Variants in CPLANE1 observed in about 807,000 individuals in gnomAD.
CPLANE1 encodes ciliogenesis and planar polarity effector complex subunit 1.
A neutral mutation model predicts 362.5 loss-of-function variants in CPLANE1; 263 were observed. The ratio of observed to expected loss-of-function variants is 0.73; its 90% CI spans 0.66 to 0.80. The LOEUF is 0.80. Among genes scored for constraint, CPLANE1 ranks in the 30% least tolerant of loss-of-function variants. CPLANE1 has a pLI of 0.00. For synonymous variants in CPLANE1, 1,212 were observed against 1,302.6 expected, an observed-to-expected ratio of 0.93 and a Z score of 1.50; for missense variants, 3,461 against 3,793.4, an observed-to-expected ratio of 0.91 and a Z score of 2.30.
At chr5:37,126,570 T>G (rs1579942424) in intron 46 of CPLANE1, among the ~76,000 whole-genome samples, 1 of 152,224 alleles carries the variant, frequency 6.6e-6, no homozygotes, top group Admixed American at 6.5e-5. Context: ...TTCCCTGCAT[T>G]CCGCCATCCT....
At chr5:37,098,281 A>C in the CPLANE1 span, among the ~76,000 whole-genome samples, 1 of 150,768 alleles carries the variant, frequency 6.6e-6, no homozygotes, top group African/African-American at 2.4e-5. Flanking sequence ...AATCCCAGCT[A>C]CTTGGGAGGC....
chr5:37,083,528 A>C, the CPLANE1 span, among the ~76,000 whole-genome samples: 1 of 152,226 alleles, frequency 6.6e-6, no homozygotes, highest in Admixed American at 6.5e-5. Context: ...AAACCAAAAA[A>C]ATGATACAAG....
At chr5:37,079,198 G>A in the CPLANE1 span, among the ~76,000 whole-genome samples, 1 of 152,082 alleles carries the variant, frequency 6.6e-6, no homozygotes, top group Non-Finnish European at 1.5e-5. Context: ...TTACATTTAA[G>A]TCTTTAATCC....
chr5:37,245,574 G>T lies in CPLANE1; in HGVS notation c.242C>A (p.Thr81Asn), dbSNP rs1235427864. ...SNDAWLAGVL[T>N]TGELFLWNKD... The stretch of plus-strand genomic sequence containing the variant: ...GTTCCAAAGGAAAAGCTCTCCTGTA[G>T]TTAGTACCCCAGCCAGCCAGGCATC... The change falls in exon 4 of 53, where the codon ACT becomes AAT. Residue 81 changes from threonine (T) to asparagine (N), a missense_variant. Transcript: ENST00000651892. 4.6e-6 allele frequency: 7 copies of T among 1,522,534 alleles called. No homozygotes were observed. The highest frequency in any genetic ancestry group is 6.2e-6 in the Non-Finnish European group (7 of 1,134,896). 94.3% of individuals were successfully genotyped at this position (1,522,534 alleles called of 1,614,324 possible).
intron 46 of CPLANE1, among the ~76,000 whole-genome samples, chr5:37,136,591 C>T (rs1381108792): frequency 6.6e-6 from 1 of 152,212 alleles, no homozygotes; most frequent in Non-Finnish European, 1.5e-5. Context: ...GGGGCTCCAA[C>T]CCCACATTTC....
the CPLANE1 span, among the ~76,000 whole-genome samples, chr5:37,079,615 GGT>G: frequency 8.5e-4 from 130 of 152,172 alleles, no homozygotes; most frequent in Admixed American, 2.7e-3. Context: ...TTTCCTCTAA[GGT>G]GTTCCCTAGA....
Position 37,247,740 on chromosome 5 carries a change from A to T in CPLANE1, c.-42T>A. ...ATGACCAATTAAGTAAAACAGTCCC[A>T]AGATTCTGTAAACAATAATAGTAAT... On this transcript the variant is annotated 5_prime_UTR_variant, in exon 2 of 53. Transcript: ENST00000651892. The T allele has an allele frequency of 1.3e-6, 2 of 1,504,946 alleles. No individual in the cohort carries two copies. The highest frequency in any genetic ancestry group is 1.8e-6 in the Non-Finnish European group (2 of 1,119,548). The allele number at this position is 1,504,946 out of a possible 1,614,324, so 93.2% of individuals were successfully genotyped here.
Position 37,243,122 on chromosome 5 carries a change from GTAGA to G in CPLANE1, c.571-7_571-4del. The stretch of plus-strand genomic sequence containing the variant: ...CACAGGCAGCAGTCTCCAAATAACT[GTAGA>G]TAAATTTAATATACTTTAGTATAAA... On this transcript the variant is annotated splice_region_variant and splice_polypyrimidine_tract_variant and intron_variant, in intron 5 of 52. Transcript: ENST00000651892. 2 of 1,486,532 alleles carry G rather than the reference GTAGA, an allele frequency of 1.3e-6. No individual in the cohort carries two copies. The highest frequency in any genetic ancestry group is 1.8e-6 in the Non-Finnish European group (2 of 1,104,346). The allele number at this position is 1,486,532 out of a possible 1,614,324, so 92.1% of individuals were successfully genotyped here.
At chr5:37,231,679 C>T (rs1429137417) in intron 8 of CPLANE1, among the ~76,000 whole-genome samples, 1 of 152,184 alleles carries the variant, frequency 6.6e-6, no homozygotes, top group Admixed American at 6.5e-5. Context: ...TCTGTCCTCT[C>T]TGCAGGCTGT....
chr5:37,171,405 G>A (rs1228848886), intron 32 of CPLANE1, among the ~76,000 whole-genome samples: 2 of 152,200 alleles, frequency 1.3e-5, no homozygotes, highest in African/African-American at 2.4e-5. Context: ...CTAGGATAGG[G>A]ATCTGAGAAT....
At chr5:37,187,328 C>T (rs2151220271) in intron 23 of CPLANE1, 86 bp downstream of exon 23, 1 of 1,120,408 alleles carries the variant, frequency 8.9e-7, no homozygotes, top group Non-Finnish European at 1.3e-6. Context: ...CAAAGAAAGG[C>T]AACATCATCC....
At chr5:37,144,477 G>A in intron 43 of CPLANE1, among the ~76,000 whole-genome samples, 1 of 151,178 alleles carries the variant, frequency 6.6e-6, no homozygotes, top group East Asian at 1.9e-4. Flanking sequence ...AAATACCAGA[G>A]AGCATCTCAG....
intron 44 of CPLANE1, chr5:37,139,793 A>G (rs1397013008): frequency 1.1e-6 from 1 of 923,262 alleles, no homozygotes; most frequent in Non-Finnish European, 1.3e-6. Context: ...CAAGTGATTC[A>G]CCTGCCTTGG....
intron 32 of CPLANE1, among the ~76,000 whole-genome samples, chr5:37,172,973 G>C (rs1780217217): frequency 1.3e-5 from 2 of 152,196 alleles, no homozygotes; most frequent in South Asian, 4.1e-4. Flanking sequence ...AACAGAGTGA[G>C]ACTCCGTCTC....
At chr5:37,084,722 G>A in the CPLANE1 span, among the ~76,000 whole-genome samples, 1 of 152,056 alleles carries the variant, frequency 6.6e-6, no homozygotes, top group Non-Finnish European at 1.5e-5. Flanking sequence ...AGAGAGCTGA[G>A]ATCATGCCAT....
the CPLANE1 span, chr5:37,085,993 G>C: frequency 1.7e-6 from 1 of 587,450 alleles, no homozygotes; most frequent in Middle Eastern, 4.5e-4. Context: ...TTGTCCAACA[G>C]GAAAATATCA....
chr5:37,084,074 C>A, the CPLANE1 span, among the ~76,000 whole-genome samples: 4 of 152,312 alleles, frequency 2.6e-5, no homozygotes, highest in South Asian at 8.3e-4. Context: ...AGATTAACAG[C>A]AGATTTCTCA....
At chr5:37,135,852 C>A (rs1022099076) in intron 46 of CPLANE1, among the ~76,000 whole-genome samples, 2 of 151,426 alleles carry the variant, frequency 1.3e-5, no homozygotes, top group African/African-American at 4.8e-5. Flanking sequence ...CAACAAAAAA[C>A]CCAACAGATC....
At chr5:37,086,300 G>C in the CPLANE1 span, among the ~76,000 whole-genome samples, 1 of 152,278 alleles carries the variant, frequency 6.6e-6, no homozygotes, top group Middle Eastern at 3.4e-3. Flanking sequence ...TGATTGATAG[G>C]CCACAAAACG....
Sources: allele counts gnomAD v4.1 joint callset (sites outside exome capture counted in the v4.1 genomes callset), GRCh38; gene constraint gnomAD v4.1.1; transcripts MANE v1.5; gene names NCBI Gene and HGNC (gene_info 2026-07-23, HGNC 2026-07-21).